Variants in ENOX1 observed in about 807,000 individuals in gnomAD.
The protein encoded by ENOX1 is ecto-NOX disulfide-thiol exchanger 1.
ENOX1 carries 42 observed loss-of-function variants against 82.5 expected under a neutral mutation model. The observed-to-expected ratio is 0.51, with a 90% CI of 0.40 to 0.66. The LOEUF (loss-of-function observed/expected upper bound fraction) is 0.66. Ranked by LOEUF, ENOX1 falls within the 30% of genes least tolerant of loss-of-function variation. The probability of loss-of-function intolerance (pLI) is 0.00; values close to 1 mark genes in which losing one functional copy is unlikely to be tolerated. For synonymous variants in ENOX1, 271 were observed against 282.2 expected, an observed-to-expected ratio of 0.96 and a Z score of 0.40; for missense variants, 608 against 811.6, an observed-to-expected ratio of 0.75 and a Z score of 3.05.
intron 12 of ENOX1, among the ~76,000 whole-genome samples, chr13:43,292,080 A>G (rs557624868): frequency 1.5e-3 from 227 of 152,274 alleles, no homozygotes; most frequent in African/African-American, 5.2e-3. Flanking sequence ...TCATGAAGAA[A>G]CCTGTACATA....
chr13:43,501,829 G>A (rs1306880502), intron 2 of ENOX1, among the ~76,000 whole-genome samples: 5 of 147,076 alleles, frequency 3.4e-5, no homozygotes, highest in African/African-American at 1.2e-4. Context: ...CTAATTGTAT[G>A]CTTTAAAGAA....
intron 2 of ENOX1, among the ~76,000 whole-genome samples, chr13:43,568,584 G>A (rs1196025562): frequency 2.6e-5 from 4 of 152,114 alleles, no homozygotes; most frequent in Admixed American, 1.3e-4. Flanking sequence ...AGAGGAGGGA[G>A]AGCAATGCAA....
intron 2 of ENOX1, among the ~76,000 whole-genome samples, chr13:43,513,811 G>A (rs1385996940): frequency 6.6e-6 from 1 of 151,906 alleles, no homozygotes; most frequent in Admixed American, 6.6e-5. Context: ...TACCTTTCAG[G>A]AAAAGTTAAC....
intron 9 of ENOX1, among the ~76,000 whole-genome samples, chr13:43,338,240 C>T (rs879421841): frequency 3.9e-5 from 6 of 152,152 alleles, no homozygotes; most frequent in Non-Finnish European, 7.3e-5. Context: ...AGCTCCTGTA[C>T]GAGCTTTGAA....
At position 43,652,802 on chromosome 13, in the gene ENOX1, C is replaced by T. The variant is rs914436286; in HGVS notation, c.-219+14677G>A. ...GGAAGAAGTAAGCAAGCTGAGTAGC[C>T]GGAATGCCGGTGATGAGCATTCATT... On this transcript the variant is annotated intron_variant, in intron 2 of 16. Transcript: ENST00000690772. Among the ~76,000 whole-genome samples, 48 of 152,230 alleles carry T rather than the reference C, an allele frequency of 3.2e-4. 1 individual carries two copies. The highest frequency in any genetic ancestry group is 2.5e-3 in the Admixed American group (38 of 15,292).
chr13:43,459,711 C>T (rs1210203621), intron 3 of ENOX1, among the ~76,000 whole-genome samples: 2 of 152,138 alleles, frequency 1.3e-5, no homozygotes, highest in African/African-American at 4.8e-5. Flanking sequence ...TAACTATCCT[C>T]TGCTGGGTGC....
At chr13:43,610,783 A>G (rs991392783) in intron 2 of ENOX1, among the ~76,000 whole-genome samples, 10 of 151,650 alleles carry the variant, frequency 6.6e-5, no homozygotes, top group African/African-American at 2.4e-4. Flanking sequence ...TTTATGACTT[A>G]CCGATCCAGG....
At chr13:43,768,209 C>A (rs1256434507) in intron 1 of ENOX1, among the ~76,000 whole-genome samples, 2 of 152,086 alleles carry the variant, frequency 1.3e-5, no homozygotes, top group African/African-American at 4.8e-5. Flanking sequence ...GTTCTATATC[C>A]TTCTAGCATT....
chr13:43,391,421 C>A (rs761997332), intron 5 of ENOX1, among the ~76,000 whole-genome samples: 4 of 152,154 alleles, frequency 2.6e-5, no homozygotes, highest in African/African-American at 7.2e-5. Context: ...CACTGGCCCA[C>A]CCATCTCTTA....
chr13:43,686,367 T>C (rs943295888), intron 1 of ENOX1, among the ~76,000 whole-genome samples: 15 of 152,184 alleles, frequency 9.9e-5, no homozygotes, highest in Non-Finnish European at 1.6e-4. Flanking sequence ...TGATATTTTC[T>C]ATCAGGATTA....
At chr13:43,648,859 G>A (rs1026240875) in intron 2 of ENOX1, among the ~76,000 whole-genome samples, 1 of 152,134 alleles carries the variant, frequency 6.6e-6, no homozygotes, top group Non-Finnish European at 1.5e-5. Context: ...TATGGATGTG[G>A]TTAGACTCCC....
At chr13:43,550,732 CA>C (rs1310777530) in intron 2 of ENOX1, among the ~76,000 whole-genome samples, 1 of 152,158 alleles carries the variant, frequency 6.6e-6, no homozygotes, top group African/African-American at 2.4e-5. Flanking sequence ...TCAAAAACTA[CA>C]AAAACTCTCC....
At chr13:43,569,935 C>T (rs892025018) in intron 2 of ENOX1, among the ~76,000 whole-genome samples, 1 of 152,148 alleles carries the variant, frequency 6.6e-6, no homozygotes, top group Non-Finnish European at 1.5e-5. Context: ...GCACTGTTCC[C>T]ATAAATATTT....
At chr13:43,506,231 A>G (rs2077156792) in intron 2 of ENOX1, among the ~76,000 whole-genome samples, 1 of 151,990 alleles carries the variant, frequency 6.6e-6, no homozygotes, top group Admixed American at 6.6e-5. Context: ...AAACACCTGA[A>G]AAAATGCTCA....
intron 2 of ENOX1, among the ~76,000 whole-genome samples, chr13:43,644,480 T>G (rs2083805669): frequency 6.6e-6 from 1 of 152,152 alleles, no homozygotes; most frequent in Admixed American, 6.6e-5. Flanking sequence ...TGCATCTAGA[T>G]AACTAGAAAA....
At chr13:43,230,963 A>G (rs2042251250) in intron 15 of ENOX1, among the ~76,000 whole-genome samples, 1 of 152,172 alleles carries the variant, frequency 6.6e-6, no homozygotes, top group East Asian at 1.9e-4. Flanking sequence ...TGGAGTTTTC[A>G]TTCCAAACTC....
chr13:43,334,308 T>C (rs949706438), intron 9 of ENOX1, among the ~76,000 whole-genome samples: 1 of 152,210 alleles, frequency 6.6e-6, no homozygotes, highest in African/African-American at 2.4e-5. Flanking sequence ...AGTGGTGAAG[T>C]TGGCAATGGA....
chr13:43,338,937 G>A (rs1308258619), intron 9 of ENOX1, among the ~76,000 whole-genome samples: 1 of 152,058 alleles, frequency 6.6e-6, no homozygotes, highest in South Asian at 2.1e-4. Context: ...CGCCCGCCTT[G>A]GCCTCCCAAA....
chr13:43,286,948 G>A (rs930983389), intron 12 of ENOX1, among the ~76,000 whole-genome samples: 13 of 152,140 alleles, frequency 8.5e-5, no homozygotes, highest in African/African-American at 3.1e-4. Context: ...CTTGTCTTCT[G>A]CTGTCTTGAT....
Sources: gnomAD v4.1 joint callset for allele counts (sites outside exome capture counted in the v4.1 genomes callset) on GRCh38, gnomAD v4.1.1 for gene constraint, MANE v1.5 for transcripts, NCBI Gene and HGNC (gene_info 2026-07-23, HGNC 2026-07-21) for gene names.